Variants in NTRK3 observed in about 807,000 individuals in gnomAD.
NTRK3 encodes neurotrophic receptor tyrosine kinase 3.
A neutral mutation model predicts 91.7 loss-of-function variants in NTRK3; 24 were observed. The ratio of observed to expected loss-of-function variants is 0.26; its 90% CI spans 0.19 to 0.37. The LOEUF (loss-of-function observed/expected upper bound fraction) is 0.37. Ranked by LOEUF, NTRK3 falls within the 10% of genes least tolerant of loss-of-function variation. The pLI is 1.00. For missense variants in NTRK3, 880 were observed against 1,068.9 expected (o/e 0.82, Z 2.46); for synonymous variants, 483 against 404.0 (o/e 1.20, Z -2.34).
intron 3 of NTRK3, among the ~76,000 whole-genome samples, chr15:88,238,981 C>G (rs1454779867): frequency 6.6e-6 from 1 of 152,244 alleles, no homozygotes; most frequent in African/African-American, 2.4e-5. Context: ...GAGAGCAGTT[C>G]TCCACTCAGA....
chr15:88,116,276 A>G (rs1342466201), intron 13 of NTRK3, among the ~76,000 whole-genome samples: 1 of 152,168 alleles, frequency 6.6e-6, no homozygotes, highest in Non-Finnish European at 1.5e-5. Context: ...GATAGAACTG[A>G]AATGCCTTAC....
At chr15:88,135,476 G>C (rs1408886340) in intron 9 of NTRK3, 79 bp from the exon 10 acceptor site, 3 of 1,498,130 alleles carry the variant, frequency 2.0e-6, no homozygotes, top group Non-Finnish European at 2.7e-6. Context: ...AACTAAAATG[G>C]GAATCCCGGT....
chr15:88,216,313 G>A (rs922922172), intron 3 of NTRK3, among the ~76,000 whole-genome samples: 6 of 152,126 alleles, frequency 3.9e-5, no homozygotes, highest in East Asian at 1.9e-4. Flanking sequence ...ATCTTGCCCC[G>A]GAGGCTCAGC....
At chr15:88,111,869 G>A (rs28449567) in intron 13 of NTRK3, among the ~76,000 whole-genome samples, 14,726 of 151,390 alleles carry the variant, frequency 0.097, 877 homozygotes, top group African/African-American at 0.16. Context: ...TCTGGGTTCT[G>A]GATTCCAAGT....
At chr15:88,145,077 C>A (rs147282644) in intron 6 of NTRK3, among the ~76,000 whole-genome samples, 13 of 152,158 alleles carry the variant, frequency 8.5e-5, no homozygotes, top group African/African-American at 2.2e-4. Context: ...CCCATCCCCA[C>A]GCCCCAGCCC....
chr15:88,075,602 T>A (rs1359090640), intron 13 of NTRK3, among the ~76,000 whole-genome samples: 1 of 151,886 alleles, frequency 6.6e-6, no homozygotes, highest in Non-Finnish European at 1.5e-5. Context: ...TCTTTATGTT[T>A]GTTGTTGTTG....
intron 17 of NTRK3, among the ~76,000 whole-genome samples, chr15:87,924,532 C>T (rs754983968): frequency 6.6e-5 from 10 of 152,164 alleles, no homozygotes; most frequent in African/African-American, 1.9e-4. Context: ...CTGTCTCCTA[C>T]CAGAACCTGA....
chr15:87,904,728 G>A (rs998482892), intron 17 of NTRK3, among the ~76,000 whole-genome samples: 1 of 152,160 alleles, frequency 6.6e-6, no homozygotes, highest in Non-Finnish European at 1.5e-5. Context: ...TATGTAACCA[G>A]AAAAAGAATG....
At chr15:88,140,388 G>A (rs1252066576) in intron 6 of NTRK3, among the ~76,000 whole-genome samples, 1 of 152,186 alleles carries the variant, frequency 6.6e-6, no homozygotes, top group Admixed American at 6.5e-5. Context: ...AGACCCAGCT[G>A]TAACCCTGGC....
chr15:87,966,951 C>T (rs2072851463), intron 14 of NTRK3, among the ~76,000 whole-genome samples: 1 of 152,178 alleles, frequency 6.6e-6, no homozygotes, highest in Non-Finnish European at 1.5e-5. Context: ...CTGTCAGAAG[C>T]ACCCACCCTC....
At chr15:87,867,546 G>C (rs2064716443) in exon 19 of NTRK3, 1 of 229,840 alleles carries the variant, frequency 4.4e-6, no homozygotes, top group African/African-American at 2.2e-5. Flanking sequence ...AAACAGATTG[G>C]CTTGCCCCAT....
At chr15:87,875,420 G>T (rs80238370) in exon 19 of NTRK3, 1 of 232,000 alleles carries the variant, frequency 4.3e-6, no homozygotes, top group Non-Finnish European at 8.5e-6. Flanking sequence ...TGATTCCCCA[G>T]TGCTGGGGCA....
At chr15:87,981,874 G>A (rs2074307890) in intron 14 of NTRK3, among the ~76,000 whole-genome samples, 1 of 152,206 alleles carries the variant, frequency 6.6e-6, no homozygotes, top group Non-Finnish European at 1.5e-5. Context: ...GAGAGGAGGT[G>A]GTGGTGTTTG....
At chr15:88,099,041 G>C (rs1402082773) in intron 13 of NTRK3, 2 of 231,484 alleles carry the variant, frequency 8.6e-6, no homozygotes, top group African/African-American at 4.4e-5. Flanking sequence ...TGAACGACAA[G>C]ATGTAACAGC....
intron 3 of NTRK3, among the ~76,000 whole-genome samples, chr15:88,244,459 C>G (rs1396965861): frequency 1.3e-5 from 2 of 152,174 alleles, no homozygotes; most frequent in Non-Finnish European, 2.9e-5. Flanking sequence ...AATTCCATGA[C>G]CTTTTTACTA....
At chr15:87,956,072 G>A (rs1477158983) in intron 14 of NTRK3, among the ~76,000 whole-genome samples, 1 of 152,052 alleles carries the variant, frequency 6.6e-6, no homozygotes, top group East Asian at 1.9e-4. Context: ...TCTAGATCTG[G>A]AGGGGTCAGG....
At chr15:88,201,153 CAGATTCA>C (rs1484632498) in intron 3 of NTRK3, among the ~76,000 whole-genome samples, 5 of 152,226 alleles carry the variant, frequency 3.3e-5, no homozygotes, top group African/African-American at 1.2e-4. Flanking sequence ...CAGTCCCAAT[CAGATTCA>C]AGCCCTGATA....
intron 14 of NTRK3, among the ~76,000 whole-genome samples, chr15:87,976,874 G>C (rs1489025650): frequency 2.6e-5 from 4 of 152,172 alleles, no homozygotes; most frequent in Middle Eastern, 3.2e-3. Flanking sequence ...CTCCATCCTA[G>C]GGACAGCCCC....
At chr15:88,206,860 TG>T (rs1171734099) in intron 3 of NTRK3, among the ~76,000 whole-genome samples, 1 of 152,144 alleles carries the variant, frequency 6.6e-6, no homozygotes, top group Non-Finnish European at 1.5e-5. Flanking sequence ...GCAGGGCCTT[TG>T]TTAGTGTCTG....
Sources: gnomAD v4.1 joint callset for allele counts (sites outside exome capture counted in the v4.1 genomes callset) on GRCh38, gnomAD v4.1.1 for gene constraint, MANE v1.5 for transcripts, NCBI Gene and HGNC (gene_info 2026-07-23, HGNC 2026-07-21) for gene names.